The following PDE3A variants were observed in gnomAD, a reference collection of about 807,000 sequenced individuals.
PDE3A encodes phosphodiesterase 3A, also known as cGMP-inhibited 3',5'-cyclic phosphodiesterase 3A.
A neutral mutation model predicts 98.3 loss-of-function variants in PDE3A; 43 were observed. The observed-to-expected ratio is 0.44, with a 90% confidence interval of 0.34 to 0.56. The LOEUF (loss-of-function observed/expected upper bound fraction) is 0.56. PDE3A is among the 20% of genes least tolerant of loss of function. The pLI, the probability that PDE3A is intolerant of heterozygous loss-of-function variation, is 0.01. For missense variants in PDE3A, 1,427 were observed against 1,440.7 expected (o/e 0.99, Z 0.15); for synonymous variants, 663 against 567.9 (o/e 1.17, Z -2.38).
intron 15 of PDE3A, among the ~76,000 whole-genome samples, chr12:20,674,262 G>A (rs1592174288): frequency 2.6e-5 from 4 of 152,116 alleles, no homozygotes; most frequent in African/African-American, 9.7e-5. Flanking sequence ...CATCTACAAA[G>A]AGGGACAATT....
intron 1 of PDE3A, among the ~76,000 whole-genome samples, chr12:20,489,525 A>G (rs768345735): frequency 1.3e-5 from 2 of 152,220 alleles, no homozygotes; most frequent in African/African-American, 2.4e-5. Flanking sequence ...TGTATATTCT[A>G]TATATGAAAG....
At chr12:20,406,325 A>C (rs1944232475) in intron 1 of PDE3A, among the ~76,000 whole-genome samples, 1 of 152,142 alleles carries the variant, frequency 6.6e-6, no homozygotes, top group African/African-American at 2.4e-5. Flanking sequence ...TTTCGTAATC[A>C]GTTTACTAAA....
chr12:20,604,364 T>TTGA (rs1943663773), intron 2 of PDE3A, among the ~76,000 whole-genome samples: 1 of 152,200 alleles, frequency 6.6e-6, no homozygotes, highest in South Asian at 2.1e-4. Context: ...TAATAAATAT[T>TTGA]TGATATTGAT....
chr12:20,659,954 AAAGAG>A (rs1446904365), intron 15 of PDE3A, among the ~76,000 whole-genome samples: 1 of 152,234 alleles, frequency 6.6e-6, no homozygotes, highest in Non-Finnish European at 1.5e-5. Context: ...ACACAAAAGT[AAAGAG>A]AAAAGTCCAT....
Position 20,680,383 on chromosome 12 carries a change from T to A in PDE3A, c.*112T>A. On this transcript the variant is annotated 3_prime_UTR_variant, in exon 16 of 16. Transcript: ENST00000359062. ...TAGAAATTTGAGATGGGCAAATGGC[T>A]ATTGCATTTTGGGATTCTTCGCATT... 9.0e-7 allele frequency: 1 copy of A among 1,106,812 alleles called. No homozygotes were observed. Among genetic ancestry groups the A allele is most frequent in the Non-Finnish European group, 1.3e-6 (1 of 769,540 alleles). The allele number at this position is 1,106,812 out of a possible 1,614,324, so 68.6% of individuals were successfully genotyped here. A position where few individuals can be genotyped will look rare whatever the true frequency, so the allele number is the denominator to read the frequency against.
Position 20,654,111 on chromosome 12 carries a change from C to CGATGAGTCAGGAGATACT in PDE3A, c.3096_3113dup (p.Glu1032_Asp1037dup). 6.2e-7 allele frequency: 1 copy of CGATGAGTCAGGAGATACT among 1,613,834 alleles called. No individual in the cohort carries two copies. The highest frequency in any genetic ancestry group is 8.5e-7 in the Non-Finnish European group (1 of 1,179,828). On this transcript the variant is annotated inframe_insertion, in exon 15 of 16. Coordinates refer to ENST00000359062, the MANE Select transcript of PDE3A (RefSeq NM_000921.5). ...TGCCTGGAAAATGGGTGGAAGACAG[C>CGATGAGTCAGGAGATACT]GATGAGTCAGGAGATACTGATGACC... is the stretch of plus-strand genomic sequence containing the variant.
chr12:20,462,095 T>G (rs1175168257), intron 1 of PDE3A, among the ~76,000 whole-genome samples: 1 of 152,138 alleles, frequency 6.6e-6, no homozygotes, highest in Admixed American at 6.6e-5. Flanking sequence ...ACATATAACT[T>G]TTAATTTTAG....
At position 20,633,755 on chromosome 12, in the gene PDE3A, C is replaced by A; in HGVS notation, c.1823C>A (p.Ala608Asp). Residue 608 changes from alanine to aspartate, a missense_variant, in exon 7 of 16, where the codon GCC becomes GAC. By Grantham distance (126) the Ala-to-Asp change is moderately radical (BLOSUM62 -2). This residue lies in a region of PDE3A where 1,012 missense variants were observed against 886.5 expected (regional missense o/e 1.14). Coordinates refer to ENST00000359062, the MANE Select transcript of PDE3A (RefSeq NM_000921.5). ...ADEPLERSGV[A>D]TRTPSRTDDT... ...GAGCCCCTGGAGAGAAGTGGGGTAG[C>A]CACTCGGACACCAAGTAGAACAGGT... The A allele has an allele frequency of 6.2e-7, 1 of 1,604,834 alleles. No individual in the cohort carries two copies. The highest frequency in any genetic ancestry group is 1.1e-5 in the South Asian group (1 of 90,534).
intron 1 of PDE3A, among the ~76,000 whole-genome samples, chr12:20,491,387 G>C (rs11045283): frequency 4.6e-5 from 7 of 152,026 alleles, no homozygotes; most frequent in African/African-American, 1.7e-4. Context: ...CTCAAAACCA[G>C]AGTGCTGCCT....
intron 2 of PDE3A, among the ~76,000 whole-genome samples, chr12:20,605,955 T>C (rs1943700348): frequency 6.6e-6 from 1 of 151,402 alleles, no homozygotes; most frequent in Non-Finnish European, 1.5e-5. Flanking sequence ...GCCTATTTAA[T>C]TAAGTTATCA....
intron 1 of PDE3A, among the ~76,000 whole-genome samples, chr12:20,447,597 A>T (rs1344402570): frequency 6.6e-6 from 1 of 152,198 alleles, no homozygotes; most frequent in Non-Finnish European, 1.5e-5. Flanking sequence ...AGGTGGTACA[A>T]CCACCCAGGG....
At chr12:20,371,403 T>C (rs192155891) in intron 1 of PDE3A, 1 of 983,918 alleles carries the variant, frequency 1.0e-6, no homozygotes, top group East Asian at 1.1e-4. Flanking sequence ...TTTACATTTT[T>C]CCCTTTAAAT....
chr12:20,376,860 G>A (rs1253178443), intron 1 of PDE3A, among the ~76,000 whole-genome samples: 2 of 151,798 alleles, frequency 1.3e-5, no homozygotes, highest in Non-Finnish European at 2.9e-5. Context: ...AAAGCTATTT[G>A]AGAGAAGTCA....
rs564805978 is a variant in PDE3A, at chr12:20,546,073, G to C, written c.961-10587G>C. ...TGTTTTACCCACACGAGGCTGATGT[G>C]GTCTTCTAGTTTGTAAATTATGATA... On this transcript the variant is annotated intron_variant, in intron 1 of 15. Transcript: ENST00000359062. Among the ~76,000 whole-genome samples the C allele has an allele frequency of 7.8e-4, 119 of 151,944 alleles. 1 individual carries two copies. The highest frequency in any genetic ancestry group is 2.6e-3 in the African/African-American group (109 of 41,482).
intron 1 of PDE3A, among the ~76,000 whole-genome samples, chr12:20,403,562 A>G (rs1270142747): frequency 6.6e-6 from 1 of 152,188 alleles, no homozygotes; most frequent in African/African-American, 2.4e-5. Flanking sequence ...CTCCATTACA[A>G]TAAAATTTAC....
At chr12:20,612,373 C>T (rs2064832855) in intron 2 of PDE3A, among the ~76,000 whole-genome samples, 1 of 151,140 alleles carries the variant, frequency 6.6e-6, no homozygotes, top group Non-Finnish European at 1.5e-5. Context: ...CTCTGTGTGG[C>T]AAACATTTTC....
intron 1 of PDE3A, 72 bp from the exon 2 acceptor site, chr12:20,556,588 T>C: frequency 5.0e-6 from 5 of 999,876 alleles, no homozygotes; most frequent in Non-Finnish European, 7.9e-6. Flanking sequence ...CTGATTATTC[T>C]TTAAAATAAA....
intron 1 of PDE3A, among the ~76,000 whole-genome samples, chr12:20,487,074 A>C (rs981169087): frequency 3.3e-5 from 5 of 152,206 alleles, no homozygotes; most frequent in Admixed American, 3.3e-4. Flanking sequence ...TACTGAACAA[A>C]TTTTAAAAAA....
At chr12:20,416,231 A>G (rs1489180877) in intron 1 of PDE3A, among the ~76,000 whole-genome samples, 1 of 152,232 alleles carries the variant, frequency 6.6e-6, no homozygotes, top group African/African-American at 2.4e-5. Context: ...ACTTTAAAAA[A>G]TGAAAATTCT....
Sources: allele counts gnomAD v4.1 joint callset (sites outside exome capture counted in the v4.1 genomes callset), GRCh38; gene constraint gnomAD v4.1.1; regional missense constraint gnomAD v4.1.1; transcripts MANE v1.5; gene names NCBI Gene and HGNC (gene_info 2026-07-23, HGNC 2026-07-21).